The following NPSR1 variants were observed in gnomAD, a reference collection of about 807,000 sequenced individuals.
NPSR1 encodes neuropeptide S receptor.
In NPSR1, 48 loss-of-function variants were observed where a neutral mutation model predicts 46.9. That is an observed-to-expected ratio of 1.02 (90% CI 0.81 to 1.30). NPSR1 has a LOEUF of 1.30. Among genes scored for constraint, NPSR1 ranks in the 50% most tolerant of loss-of-function variants. The pLI is 0.00. For synonymous variants in NPSR1, 176 were observed against 168.1 expected (o/e 1.05, Z -0.36); for missense variants, 450 against 449.5 (o/e 1.00, Z -0.01).
chr7:34,689,458 A>G (rs181257196), intron 2 of NPSR1, among the ~76,000 whole-genome samples: 3 of 151,922 alleles, frequency 2.0e-5, no homozygotes, highest in Admixed American at 2.0e-4. Context: ...GCAAAAAATT[A>G]GCTGGGTGTG....
chr7:34,830,931 A>G (rs913275033), intron 5 of NPSR1, among the ~76,000 whole-genome samples: 2 of 152,148 alleles, frequency 1.3e-5, no homozygotes, highest in African/African-American at 4.8e-5. Flanking sequence ...CCCATGCCTG[A>G]ACACTCTGCC....
intron 2 of NPSR1, among the ~76,000 whole-genome samples, chr7:34,687,395 A>G (rs1485164959): frequency 6.6e-6 from 1 of 152,164 alleles, no homozygotes; most frequent in East Asian, 1.9e-4. Flanking sequence ...GTAATTTATA[A>G]AGGAAAGAGG....
intron 1 of NPSR1, among the ~76,000 whole-genome samples, chr7:34,677,536 G>GCTTC (rs1222009503): frequency 6.6e-6 from 1 of 152,108 alleles, no homozygotes; most frequent in African/African-American, 2.4e-5. Flanking sequence ...AGTTGAAAAG[G>GCTTC]CTTCCATATC....
intron 2 of NPSR1, among the ~76,000 whole-genome samples, chr7:34,728,511 T>C (rs1784269440): frequency 6.6e-6 from 1 of 152,200 alleles, no homozygotes; most frequent in Non-Finnish European, 1.5e-5. Flanking sequence ...CGCTCTTGCC[T>C]TAATCTTTAA....
chr7:34,706,162 CTT>C (rs1163155677), intron 2 of NPSR1, among the ~76,000 whole-genome samples: 1 of 150,264 alleles, frequency 6.7e-6, no homozygotes, highest in Non-Finnish European at 1.5e-5. Context: ...CCAATTTTGT[CTT>C]TTGTTTCTGA....
chr7:34,815,393 A>G (rs756841625), intron 4 of NPSR1, among the ~76,000 whole-genome samples: 13 of 152,172 alleles, frequency 8.5e-5, no homozygotes, highest in Non-Finnish European at 1.8e-4. Context: ...AAAGAAACAA[A>G]CAAAGCCTCC....
chr7:34,718,180 G>C (rs1173813606), intron 2 of NPSR1, among the ~76,000 whole-genome samples: 1 of 152,120 alleles, frequency 6.6e-6, no homozygotes, highest in Admixed American at 6.5e-5. Flanking sequence ...TAAATTCATT[G>C]TAAATAACAA....
chr7:34,678,218 CTTTTTTTTTTTT>C (rs869140156), intron 1 of NPSR1, among the ~76,000 whole-genome samples: 1 of 100,702 alleles, frequency 9.9e-6, no homozygotes, highest in Admixed American at 1.2e-4. Flanking sequence ...CTTTGCAATT[CTTTTTTTTTTTT>C]TTTTTTTTTT....
intron 8 of NPSR1, among the ~76,000 whole-genome samples, chr7:34,858,705 A>G (rs13309486): frequency 9.2e-5 from 14 of 151,786 alleles, no homozygotes; most frequent in Non-Finnish European, 1.9e-4. Flanking sequence ...GAGCAAGCTT[A>G]TGCAAAGAAA....
chr7:34,764,577 A>G lies in NPSR1; in HGVS notation c.281-13885A>G, dbSNP rs324963. Among the ~76,000 whole-genome samples the G allele has an allele frequency of 7.1e-3, 1,083 of 152,330 alleles. 12 individuals carry two copies. Among genetic ancestry groups the G allele is most frequent in the African/African-American group, 0.025 (1,022 of 41,556 alleles). ...TTTAGACCACACCTACAGGAAAGGT[A>G]TGAAATACTACCCTCCTTCCTAGAC... On this transcript the variant is annotated intron_variant, in intron 2 of 8. Coordinates refer to ENST00000360581, the MANE Select transcript of NPSR1 (RefSeq NM_207172.2).
chr7:34,780,587 T>C (rs774541593), intron 3 of NPSR1, among the ~76,000 whole-genome samples: 1 of 152,110 alleles, frequency 6.6e-6, no homozygotes, highest in Non-Finnish European at 1.5e-5. Context: ...TTCAGGAAAA[T>C]GGCTGAATCT....
rs554853909 is a variant in NPSR1, at chr7:34,671,590, G to GT, written c.148-12961dup. 1.0e-3 allele frequency among the ~76,000 whole-genome samples: 154 copies of GT among 152,282 alleles called. 1 individual carries two copies. The highest frequency in any genetic ancestry group is 3.5e-3 in the African/African-American group (144 of 41,564). ...TGAAAACCAAGGCAGATGACTGGCTGTATGAATTGAGTGCACACCAACTCA... is the reference window on the plus strand; with the variant it reads ...TGAAAACCAAGGCAGATGACTGGCTGTTATGAATTGAGTGCACACCAACTCA... On this transcript the variant is annotated intron_variant, in intron 1 of 8. Coordinates refer to ENST00000360581, the MANE Select transcript of NPSR1 (RefSeq NM_207172.2).
intron 2 of NPSR1, among the ~76,000 whole-genome samples, chr7:34,760,354 A>G (rs1042921770): frequency 9.2e-5 from 14 of 152,232 alleles, no homozygotes; most frequent in Non-Finnish European, 1.5e-4. Context: ...AACATTTTAC[A>G]TAAACTATCT....
chr7:34,760,154 G>A (rs781163077), intron 2 of NPSR1, among the ~76,000 whole-genome samples: 3 of 152,126 alleles, frequency 2.0e-5, no homozygotes, highest in Non-Finnish European at 4.4e-5. Flanking sequence ...TTTAAAGAAA[G>A]CCTCTACTTC....
chr7:34,756,151 C>G (rs754392776), intron 2 of NPSR1, among the ~76,000 whole-genome samples: 8 of 152,138 alleles, frequency 5.3e-5, no homozygotes, highest in Non-Finnish European at 8.8e-5. Flanking sequence ...CCAGCTCAGT[C>G]CAGCTCAACA....
At chr7:34,874,345 T>C (rs797009585) in intron 8 of NPSR1, among the ~76,000 whole-genome samples, 29 of 152,292 alleles carry the variant, frequency 1.9e-4, no homozygotes, top group African/African-American at 7.0e-4. Context: ...CATAGTGGTG[T>C]CATATTTGAG....
intron 8 of NPSR1, among the ~76,000 whole-genome samples, chr7:34,867,708 T>C (rs189820789): frequency 2.0e-5 from 3 of 152,026 alleles, no homozygotes; most frequent in East Asian, 1.9e-4. Flanking sequence ...AATAGAACTA[T>C]TGCTTCCTTA....
intron 2 of NPSR1, among the ~76,000 whole-genome samples, chr7:34,700,964 T>C (rs1793797289): frequency 6.6e-6 from 1 of 152,200 alleles, no homozygotes. Context: ...TTCAAGTAAC[T>C]TACTAAAGAG....
intron 2 of NPSR1, among the ~76,000 whole-genome samples, chr7:34,687,826 T>C (rs965108715): frequency 1.4e-4 from 22 of 152,298 alleles, no homozygotes; most frequent in African/African-American, 5.1e-4. Context: ...AGGTATCACA[T>C]AGCTGCCAAA....
Sources: gnomAD v4.1 joint callset for allele counts (sites outside exome capture counted in the v4.1 genomes callset) on GRCh38, gnomAD v4.1.1 for gene constraint, MANE v1.5 for transcripts, NCBI Gene and HGNC (gene_info 2026-07-23, HGNC 2026-07-21) for gene names.